Variants in NPEPPS observed in about 807,000 individuals in gnomAD.
NPEPPS encodes puromycin-sensitive aminopeptidase.
NPEPPS carries 14 observed loss-of-function variants against 115.5 expected under a neutral mutation model. That is an observed-to-expected ratio of 0.12 (90% CI 0.08 to 0.19). NPEPPS has a LOEUF of 0.19. Ranked by LOEUF, NPEPPS falls within the 10% of genes least tolerant of loss-of-function variation. The pLI is 1.00. For synonymous variants in NPEPPS, 285 were observed against 390.6 expected (o/e 0.73, Z 3.19); for missense variants, 523 against 1,110.8 (o/e 0.47, Z 7.52).
At chr17:47,584,009 C>T (rs1912040720) in intron 5 of NPEPPS, among the ~76,000 whole-genome samples, 1 of 151,308 alleles carries the variant, frequency 6.6e-6, no homozygotes, top group Non-Finnish European at 1.5e-5. Flanking sequence ...TCATTTGAGG[C>T]CAGGAGTTCG....
intron 4 of NPEPPS, 144 bp from the exon 5 acceptor site, chr17:47,582,598 G>A (rs1404777560): frequency 4.3e-6 from 3 of 694,688 alleles, no homozygotes; most frequent in East Asian, 5.5e-5. Flanking sequence ...TCTAGTTAAT[G>A]CCTGGCTTGT....
chr17:47,536,704 CTTTTTTTTTT>C (rs572115219), intron 1 of NPEPPS, among the ~76,000 whole-genome samples: 11 of 76,836 alleles, frequency 1.4e-4, no homozygotes, highest in South Asian at 9.2e-4. Flanking sequence ...TGCCTGGCTT[CTTTTTTTTTT>C]TTTTTTTTTT....
chr17:47,540,056 C>A (rs1908640343), intron 1 of NPEPPS, among the ~76,000 whole-genome samples: 1 of 152,184 alleles, frequency 6.6e-6, no homozygotes, highest in Admixed American at 6.5e-5. Flanking sequence ...AGTAAAGACT[C>A]ATTCAGGAAA....
chr17:47,568,861 G>A (rs1387003195), intron 2 of NPEPPS, among the ~76,000 whole-genome samples: 1 of 150,886 alleles, frequency 6.6e-6, no homozygotes, highest in Non-Finnish European at 1.5e-5. Flanking sequence ...CTCCGTGTTG[G>A]TCAGGCTGGT....
At chr17:47,550,846 C>T (rs552403190) in intron 2 of NPEPPS, among the ~76,000 whole-genome samples, 119 of 151,898 alleles carry the variant, frequency 7.8e-4, no homozygotes, top group Non-Finnish European at 1.2e-3. Context: ...AGCCTGGTCT[C>T]GAACTCGAGA....
intron 2 of NPEPPS, among the ~76,000 whole-genome samples, chr17:47,555,982 T>G (rs1282402127): frequency 1.6e-5 from 2 of 124,474 alleles, no homozygotes; most frequent in Non-Finnish European, 3.3e-5. Flanking sequence ...TCTGTTTTAC[T>G]TTTTTTTTTT....
intron 3 of NPEPPS, among the ~76,000 whole-genome samples, chr17:47,575,460 C>T (rs2644365): frequency 6.6e-6 from 1 of 151,452 alleles, no homozygotes; most frequent in African/African-American, 2.4e-5. Flanking sequence ...TATGACCATT[C>T]GTATAGTATG....
At chr17:47,599,861 A>C in intron 14 of NPEPPS, 122 bp downstream of exon 14, 2 of 780,352 alleles carry the variant, frequency 2.6e-6, no homozygotes, top group Non-Finnish European at 2.1e-6. Context: ...TCTGTCGCCC[A>C]GGCTCGAGTG....
At chr17:47,593,062 C>T (rs1217750561) in intron 12 of NPEPPS, among the ~76,000 whole-genome samples, 1 of 152,072 alleles carries the variant, frequency 6.6e-6, no homozygotes, top group Non-Finnish European at 1.5e-5. Flanking sequence ...TTGGATATTC[C>T]AATTATAGAT....
intron 2 of NPEPPS, among the ~76,000 whole-genome samples, chr17:47,554,577 C>G (rs1449920960): frequency 1.3e-5 from 2 of 151,820 alleles, no homozygotes; most frequent in African/African-American, 4.8e-5. Context: ...TGAAGTTGGT[C>G]TTGAACTCCT....
intron 17 of NPEPPS, among the ~76,000 whole-genome samples, chr17:47,609,553 G>A (rs1199882657): frequency 6.6e-6 from 1 of 152,188 alleles, no homozygotes; most frequent in Non-Finnish European, 1.5e-5. Flanking sequence ...GTTATCTATT[G>A]ATCTCTGATG....
chr17:47,536,538 C>T (rs1371539424), intron 1 of NPEPPS, among the ~76,000 whole-genome samples: 1 of 151,240 alleles, frequency 6.6e-6, no homozygotes, highest in African/African-American at 2.4e-5. Context: ...GGATTACAGG[C>T]ATGCGTCACC....
At chr17:47,620,410 G>A (rs992774560) in intron 22 of NPEPPS, among the ~76,000 whole-genome samples, 1 of 152,122 alleles carries the variant, frequency 6.6e-6, no homozygotes, top group African/African-American at 2.4e-5. Context: ...TTACAGTAGG[G>A]TAGTGGCAGT....
intron 19 of NPEPPS, among the ~76,000 whole-genome samples, chr17:47,615,073 C>CT (rs60829784): frequency 0.019 from 2,375 of 122,156 alleles, 93 homozygotes; most frequent in African/African-American, 0.055. Context: ...TACTTTCTTT[C>CT]TTTTTTTTTT....
At chr17:47,562,764 A>T (rs1876800) in intron 2 of NPEPPS, among the ~76,000 whole-genome samples, 42 of 147,878 alleles carry the variant, frequency 2.8e-4, no homozygotes, top group Middle Eastern at 3.4e-3. Context: ...TAGTTAATTT[A>T]AAAAAAAGTT....
At chr17:47,596,052 C>G in intron 12 of NPEPPS, 1 of 181,494 alleles carries the variant, frequency 5.5e-6, no homozygotes, top group Non-Finnish European at 1.1e-5. Flanking sequence ...ACTCAGGAGG[C>G]TGAGGAGGGA....
At chr17:47,613,644 AT>A (rs1446014670) in intron 18 of NPEPPS, 24 bp from the exon 19 acceptor site, 2 of 1,569,628 alleles carry the variant, frequency 1.3e-6, no homozygotes, top group Non-Finnish European at 1.8e-6. Flanking sequence ...ATTTAATCAA[AT>A]GACTTATTTT....
rs540423852 is a variant in NPEPPS, at chr17:47,598,486, CA to C, written c.1537-1188del. On this transcript the variant is annotated intron_variant, in intron 13 of 22. Coordinates refer to ENST00000322157, the MANE Select transcript of NPEPPS (RefSeq NM_006310.4). ...GCAAGACCATGTATTAAAAAACAAA[CA>C]ATTGGCCAGGCGCAGTGGCTCACAT... Among the ~76,000 whole-genome samples the C allele has an allele frequency of 3.7e-3, 561 of 151,678 alleles. 5 individuals are homozygous for C. Among genetic ancestry groups the C allele is most frequent in the Non-Finnish European group, 4.2e-3 (287 of 67,886 alleles).
intron 17 of NPEPPS, among the ~76,000 whole-genome samples, chr17:47,608,799 A>G (rs2143942984): frequency 6.6e-6 from 1 of 152,312 alleles, no homozygotes; most frequent in South Asian, 2.1e-4. Context: ...AGTAGATGAA[A>G]AGAAACAGTA....
Sources: gnomAD v4.1 joint callset for allele counts (sites outside exome capture counted in the v4.1 genomes callset) on GRCh38, gnomAD v4.1.1 for gene constraint, MANE v1.5 for transcripts, NCBI Gene and HGNC (gene_info 2026-07-23, HGNC 2026-07-21) for gene names.